The following WIPF3 variants were observed in gnomAD, a reference collection of about 807,000 sequenced individuals.
WIPF3 encodes the protein WAS/WASL-interacting protein family member 3.
WIPF3 carries 33 observed loss-of-function variants against 38.9 expected under a neutral mutation model. That is an observed-to-expected ratio of 0.85 (90% CI 0.64 to 1.14). The LOEUF is 1.14. Among genes scored for constraint, WIPF3 ranks in the 50% most tolerant of loss-of-function variants. The pLI, the probability that WIPF3 is intolerant of heterozygous loss-of-function variation, is 0.00. For missense variants in WIPF3, 711 were observed against 652.5 expected (o/e 1.09, Z -0.98); for synonymous variants, 324 against 269.3 (o/e 1.20, Z -1.99).
intron 3 of WIPF3, 63 bp downstream of exon 3, chr7:29,876,025 G>A: frequency 6.3e-7 from 1 of 1,587,354 alleles, no homozygotes; most frequent in Non-Finnish European, 8.6e-7. Flanking sequence ...GTGAGGCACA[G>A]CCAGACACCC....
chr7:29,807,684 G>A (rs1784304804), intron 1 of WIPF3, among the ~76,000 whole-genome samples: 1 of 152,264 alleles, frequency 6.6e-6, no homozygotes, highest in South Asian at 2.1e-4. Flanking sequence ...CTGGGACAGT[G>A]TGGCCAATCC....
chr7:29,875,451 G>A (rs141436636), intron 2 of WIPF3, among the ~76,000 whole-genome samples: 6 of 152,196 alleles, frequency 3.9e-5, no homozygotes, highest in Non-Finnish European at 8.8e-5. Flanking sequence ...GTCCAGGAGG[G>A]GACCTGGGGC....
chr7:29,907,909 A>G (rs1018664042), intron 8 of WIPF3, among the ~76,000 whole-genome samples: 1 of 152,236 alleles, frequency 6.6e-6, no homozygotes, highest in African/African-American at 2.4e-5. Context: ...TAAACATTTC[A>G]CTACAAAAAA....
At chr7:29,828,694 A>C (rs1043864229) in intron 1 of WIPF3, among the ~76,000 whole-genome samples, 8 of 152,200 alleles carry the variant, frequency 5.3e-5, no homozygotes, top group African/African-American at 1.9e-4. Flanking sequence ...CATGTCCTGT[A>C]GCCATGTCCC....
chr7:29,817,510 T>A (rs1784474418), intron 1 of WIPF3, among the ~76,000 whole-genome samples: 1 of 152,160 alleles, frequency 6.6e-6, no homozygotes, highest in African/African-American at 2.4e-5. Flanking sequence ...CCTTGCAATT[T>A]AATGTAAGGC....
intron 2 of WIPF3, among the ~76,000 whole-genome samples, chr7:29,856,103 C>T (rs993437446): frequency 2.0e-5 from 3 of 152,164 alleles, no homozygotes; most frequent in African/African-American, 7.2e-5. Flanking sequence ...CTTTGCTAAT[C>T]TGTCCTTTTC....
chr7:29,815,082 AATGAAAC>A (rs1332608724), intron 1 of WIPF3, among the ~76,000 whole-genome samples: 2 of 152,192 alleles, frequency 1.3e-5, no homozygotes, highest in Non-Finnish European at 2.9e-5. Context: ...TAAACGTTTC[AATGAAAC>A]ATTTTTGTTT....
chr7:29,807,287 C>A (rs2128060232), intron 1 of WIPF3, among the ~76,000 whole-genome samples: 1 of 152,330 alleles, frequency 6.6e-6, no homozygotes, highest in South Asian at 2.1e-4. Context: ...CTGGACACCC[C>A]TCCCGTGCTC....
chr7:29,884,550 G>A lies in WIPF3; in HGVS notation c.1056G>A (p.Pro352=), dbSNP rs1348413557. The change falls in exon 5 of 9, where the codon CCG becomes CCA. Residue 352 remains proline (P), a synonymous_variant. Coordinates refer to ENST00000242140, the MANE Select transcript of WIPF3 (RefSeq NM_001080529.3). Reference sequence around the variant, plus strand: ...CCTTGCCCGCCCCGCCTGCCCCTCCGGGCTCCCAGCCGTTCCTGCAGAAGA... The same window carrying A: ...CCTTGCCCGCCCCGCCTGCCCCTCCAGGCTCCCAGCCGTTCCTGCAGAAGA... ...AQALPAPPAP[P]GSQPFLQKKR... 1.0e-5 allele frequency: 16 copies of A among 1,600,952 alleles called. No individual in the cohort carries two copies. Among genetic ancestry groups the A allele is most frequent in the Non-Finnish European group, 1.2e-5 (14 of 1,175,488 alleles).
intron 7 of WIPF3, among the ~76,000 whole-genome samples, chr7:29,903,008 T>A (rs1250139326): frequency 6.6e-6 from 1 of 152,172 alleles, no homozygotes; most frequent in Non-Finnish European, 1.5e-5. Flanking sequence ...ATATTCAGTT[T>A]CCTGCAGGGT....
At chr7:29,868,685 T>C (rs1176686414) in intron 2 of WIPF3, among the ~76,000 whole-genome samples, 3 of 151,976 alleles carry the variant, frequency 2.0e-5, no homozygotes, top group Non-Finnish European at 4.4e-5. Context: ...CATCCTAGAG[T>C]GCACTCACAC....
At position 29,844,403 on chromosome 7, in the gene WIPF3, G is replaced by T. The variant is rs1359175750; in HGVS notation, c.90+9589G>T. Among the ~76,000 whole-genome samples, 1 of 152,188 alleles carries T rather than the reference G, an allele frequency of 6.6e-6. No homozygotes were observed. The highest frequency in any genetic ancestry group is 1.5e-5 in the Non-Finnish European group (1 of 68,030). On this transcript the variant is annotated intron_variant, in intron 2 of 8. Transcript: ENST00000242140. This position sits in a 1 kb window ranked among gnomAD's most constrained non-coding sequence, Gnocchi z 4.8. ...TACTAAATAGCTATTGTGCCCCCAA[G>T]TACTGTGTTAAGCACTTAACATGGA...
At chr7:29,842,232 T>C (rs1307676830) in intron 2 of WIPF3, among the ~76,000 whole-genome samples, 1 of 152,280 alleles carries the variant, frequency 6.6e-6, no homozygotes, top group East Asian at 1.9e-4. Context: ...TATTATTTAA[T>C]GTTGCCATTC....
chr7:29,853,004 T>G (rs1785128329), intron 2 of WIPF3, among the ~76,000 whole-genome samples: 1 of 152,226 alleles, frequency 6.6e-6, no homozygotes, highest in Non-Finnish European at 1.5e-5. Flanking sequence ...GGTCTAATTT[T>G]GGGCTCCCCT....
intron 1 of WIPF3, among the ~76,000 whole-genome samples, chr7:29,829,158 G>T (rs183615703): frequency 1.3e-5 from 2 of 150,376 alleles, no homozygotes; most frequent in East Asian, 3.9e-4. Context: ...AATGGATGAT[G>T]CTATCCCTTA....
chr7:29,867,549 G>A (rs907164493), intron 2 of WIPF3, among the ~76,000 whole-genome samples: 7 of 140,212 alleles, frequency 5.0e-5, no homozygotes, highest in African/African-American at 1.1e-4. Flanking sequence ...CTCTGCCCCC[G>A]CCCCCTCCAC....
chr7:29,899,032 G>T (rs1411627926), intron 7 of WIPF3, among the ~76,000 whole-genome samples: 1 of 152,088 alleles, frequency 6.6e-6, no homozygotes, highest in Non-Finnish European at 1.5e-5. Context: ...TCAAGGTGCT[G>T]GTCAATTTAG....
Position 29,834,673 on chromosome 7 carries a change from A to G in WIPF3, c.-52A>G. ...ATTCTTTTTCTCTTTTTCAGAGCAG[A>G]AGCCACTCTCTTGGGACCATTCATA... On this transcript the variant is annotated 5_prime_UTR_variant, in exon 2 of 9. Coordinates refer to ENST00000242140, the MANE Select transcript of WIPF3 (RefSeq NM_001080529.3). 7.2e-7 allele frequency: 1 copy of G among 1,398,302 alleles called. No individual in the cohort carries two copies. Among genetic ancestry groups the G allele is most frequent in the Non-Finnish European group, 9.3e-7 (1 of 1,074,644 alleles). The allele number at this position is 1,398,302 out of a possible 1,614,324, so 86.6% of individuals were successfully genotyped here.
chr7:29,830,715 G>A (rs1784705256), intron 1 of WIPF3, among the ~76,000 whole-genome samples: 1 of 151,946 alleles, frequency 6.6e-6, no homozygotes. Context: ...AAATTTAGTA[G>A]AAATTGCATA....
Sources: gnomAD v4.1 joint callset for allele counts (sites outside exome capture counted in the v4.1 genomes callset) on GRCh38, gnomAD v4.1.1 for gene constraint, Gnocchi (gnomAD v3.1) non-coding constraint, MANE v1.5 for transcripts, NCBI Gene and HGNC (gene_info 2026-07-23, HGNC 2026-07-21) for gene names.